Variants in GCN1 observed in about 807,000 individuals in gnomAD.
GCN1 encodes the protein stalled ribosome sensor GCN1.
GCN1 carries 90 observed loss-of-function variants against 288.4 expected under a neutral mutation model. That is an observed-to-expected ratio of 0.31 (90% CI 0.26 to 0.37). The LOEUF (loss-of-function observed/expected upper bound fraction) is 0.37, where lower values mean the gene tolerates loss of function less well. Among genes scored for constraint, GCN1 ranks in the 10% least tolerant of loss-of-function variants. The probability of loss-of-function intolerance (pLI) is 1.00; values close to 1 mark genes in which losing one functional copy is unlikely to be tolerated. For synonymous variants in GCN1, 1,386 were observed against 1,420.2 expected, an observed-to-expected ratio of 0.98 and a Z score of 0.54; for missense variants, 2,586 against 3,419.9, an observed-to-expected ratio of 0.76 and a Z score of 6.08.
chr12:120,135,119 G>A (rs183916107), intron 51 of GCN1, among the ~76,000 whole-genome samples: 3 of 152,306 alleles, frequency 2.0e-5, no homozygotes, highest in Admixed American at 6.5e-5. Context: ...CTAATGCCAA[G>A]ACAGGGAAAG....
At chr12:120,180,097 G>A (rs12320253) in intron 5 of GCN1, among the ~76,000 whole-genome samples, 31,571 of 151,940 alleles carry the variant, frequency 0.21, 3,957 homozygotes, top group East Asian at 0.56. Context: ...ACCTGAGGTC[G>A]GGAGTTCAAG....
At chr12:120,135,343 T>C (rs572319337) in intron 51 of GCN1, among the ~76,000 whole-genome samples, 1 of 152,010 alleles carries the variant, frequency 6.6e-6, no homozygotes, top group East Asian at 1.9e-4. Context: ...GGTCCAAGAG[T>C]AAAGATTTAC....
chr12:120,176,606 C>A (rs536655017), intron 9 of GCN1, among the ~76,000 whole-genome samples: 7 of 152,288 alleles, frequency 4.6e-5, no homozygotes, highest in Non-Finnish European at 8.8e-5. Flanking sequence ...CCACTCAACT[C>A]TGAAAGTGAA....
intron 56 of GCN1, 57 bp from the exon 57 acceptor site, chr12:120,129,551 C>T: frequency 7.8e-7 from 1 of 1,289,572 alleles, no homozygotes; most frequent in Non-Finnish European, 1.1e-6. Flanking sequence ...TTCCTTGAAG[C>T]AGCCCAAATG....
Position 120,150,050 on chromosome 12 carries a change from G to T in GCN1, c.4310-7C>A. 2 of 1,613,720 alleles carry T rather than the reference G, an allele frequency of 1.2e-6. No homozygotes were observed. Among genetic ancestry groups the T allele is most frequent in the Admixed American group, 1.7e-5 (1 of 60,012 alleles). On this transcript the variant is annotated splice_polypyrimidine_tract_variant and splice_region_variant and intron_variant, in intron 34 of 57. Transcript: ENST00000300648. ...TCGAAGGCAAAGAGGGCTCCTAGGG[G>T]AAAAGAAGGTGGGACGGCTGGGAAG...
chr12:120,139,585 A>C (rs1024515617), intron 45 of GCN1, among the ~76,000 whole-genome samples: 4 of 152,012 alleles, frequency 2.6e-5, no homozygotes, highest in Non-Finnish European at 5.9e-5. Context: ...CTATGATCGC[A>C]CCACTGCACT....
chr12:120,152,246 C>T (rs1032519450), intron 33 of GCN1, among the ~76,000 whole-genome samples: 51 of 151,766 alleles, frequency 3.4e-4, no homozygotes, highest in African/African-American at 1.1e-3. Flanking sequence ...CCAGGCTGGT[C>T]TCGAACTACT....
chr12:120,153,891 G>A lies in GCN1; in HGVS notation c.3720C>T (p.Ala1240=). The change falls in exon 32 of 58, where the codon GCC becomes GCT. Residue 1240 remains alanine (A), a synonymous_variant. Coordinates refer to ENST00000300648, the MANE Select transcript of GCN1 (RefSeq NM_006836.2). This position sits in a 1 kb window ranked among gnomAD's most constrained non-coding sequence, Gnocchi z 4.4. ...QWEARCGLAL[A]LNKLSQYLDS... ...CCAAATACTGGGAGAGCTTGTTGAGGGCCAACGCCAAGCCACACCTGGGAA... is the reference window on the plus strand; with the variant it reads ...CCAAATACTGGGAGAGCTTGTTGAGAGCCAACGCCAAGCCACACCTGGGAA... 2 of 1,613,968 alleles carry A rather than the reference G, an allele frequency of 1.2e-6. No individual in the cohort carries two copies. Among genetic ancestry groups the A allele is most frequent in the African/African-American group, 1.3e-5 (1 of 75,054 alleles).
intron 54 of GCN1, 64 bp downstream of exon 54, chr12:120,131,862 C>A: frequency 1.0e-6 from 1 of 984,702 alleles, no homozygotes; most frequent in South Asian, 1.4e-5. Flanking sequence ...GGGAGATGCC[C>A]GTCGACTCTT....
rs774129777 is a variant in GCN1, at chr12:120,158,515, C to T, written c.2850G>A (p.Ala950=). Residue 950 remains alanine, a synonymous_variant, in exon 25 of 58, where the codon GCG becomes GCA. Transcript: ENST00000300648. This position sits in a 1 kb window ranked among gnomAD's most constrained non-coding sequence, Gnocchi z 4.3. ...TGGTGTGGGTGTGCAGCAGCATCAC[C>T]GCCCTCTTCACAGCCACCGACAGCT... ...QEELSVAVKR[A]VMLLHTHTIT... is the part of the protein sequence containing the mutation. The T allele has an allele frequency of 2.9e-5, 46 of 1,575,592 alleles. No homozygotes were observed. Among genetic ancestry groups the T allele is most frequent in the Admixed American group, 5.5e-5 (3 of 54,062 alleles).
chr12:120,183,485 C>T (rs1878729076), intron 5 of GCN1, 84 bp downstream of exon 5: 2 of 878,028 alleles, frequency 2.3e-6, no homozygotes, highest in Admixed American at 1.7e-5. Context: ...CAGAAAAGCA[C>T]TTGGCACCAA....
intron 44 of GCN1, among the ~76,000 whole-genome samples, chr12:120,141,817 C>A (rs574713779): frequency 7.9e-5 from 12 of 152,334 alleles, no homozygotes; most frequent in African/African-American, 2.9e-4. Flanking sequence ...ACAGGCCCAT[C>A]CCTCCCCAGC....
intron 23 of GCN1, 44 bp downstream of exon 23, chr12:120,160,098 C>T: frequency 6.3e-7 from 1 of 1,588,788 alleles, no homozygotes; most frequent in East Asian, 2.2e-5. Context: ...CCAAGCTGCC[C>T]AGCACTCTTC....
In GCN1 at chr12:120,149,395, T is replaced by C. The variant is rs111691290; in HGVS notation, c.4546+211A>G. ...CAAAAATTAGCCAGGTGTAGTGGCATGCTCCTGTGAGAATGGTTTGAGCCC... is the reference window on the plus strand; with the variant it reads ...CAAAAATTAGCCAGGTGTAGTGGCACGCTCCTGTGAGAATGGTTTGAGCCC... On this transcript the variant is annotated intron_variant, in intron 36 of 57. Transcript: ENST00000300648. Among the ~76,000 whole-genome samples, 356 of 152,166 alleles carry C rather than the reference T, an allele frequency of 2.3e-3. 4 individuals carry two copies. Among genetic ancestry groups the C allele is most frequent in the African/African-American group, 8.0e-3 (331 of 41,518 alleles).
chr12:120,141,264 C>A (rs1190441070), intron 44 of GCN1, among the ~76,000 whole-genome samples: 1 of 152,186 alleles, frequency 6.6e-6, no homozygotes, highest in Non-Finnish European at 1.5e-5. Flanking sequence ...GCCAGCAGCA[C>A]CTTACACATG....
At chr12:120,136,330 C>T (rs1439904392) in intron 51 of GCN1, among the ~76,000 whole-genome samples, 172 bp downstream of exon 51, 1 of 152,168 alleles carries the variant, frequency 6.6e-6, no homozygotes, top group Non-Finnish European at 1.5e-5. Flanking sequence ...CTAGTAAGGA[C>T]GACTTGGAAT....
rs1335562963 is a variant in GCN1 at position 120,144,486 on chromosome 12, C to T, written c.5353-38G>A. On this transcript the variant is annotated intron_variant, in intron 41 of 57. Coordinates refer to ENST00000300648, the MANE Select transcript of GCN1 (RefSeq NM_006836.2). This position sits in a 1 kb window ranked among gnomAD's most constrained non-coding sequence, Gnocchi z 4.7. ...AGGGTGGGTCAGCCAGAGCTGCCAC[C>T]CCCAGGCCCCCAGCCCAAAAAACAT... The T allele has an allele frequency of 1.3e-6, 2 of 1,594,770 alleles. No homozygotes were observed. The highest frequency in any genetic ancestry group is 1.7e-6 in the Non-Finnish European group (2 of 1,169,118).
chr12:120,136,814 C>G (rs1566298273), intron 50 of GCN1, 82 bp from the exon 51 acceptor site: 1 of 938,370 alleles, frequency 1.1e-6, no homozygotes. Flanking sequence ...GTGGTCCTGA[C>G]AGCTGTCCTC....
intron 44 of GCN1, 89 bp from the exon 45 acceptor site, chr12:120,141,112 C>A (rs1330568613): frequency 9.1e-7 from 1 of 1,095,044 alleles, no homozygotes; most frequent in Non-Finnish European, 1.3e-6. Flanking sequence ...CCTGAAACCT[C>A]CCAGGCTTTA....
Sources: gnomAD v4.1 joint callset for allele counts (sites outside exome capture counted in the v4.1 genomes callset) on GRCh38, gnomAD v4.1.1 for gene constraint, Gnocchi (gnomAD v3.1) non-coding constraint, MANE v1.5 for transcripts, NCBI Gene and HGNC (gene_info 2026-07-23, HGNC 2026-07-21) for gene names.